The following LRMDA variants were observed in gnomAD, a reference collection of about 807,000 sequenced individuals.
LRMDA encodes leucine rich melanocyte differentiation associated, also known as leucine-rich melanocyte differentiation-associated protein.
In LRMDA, 18 loss-of-function variants were observed where a neutral mutation model predicts 29.8. That is an observed-to-expected ratio of 0.60 (90% confidence interval 0.42 to 0.90). The LOEUF (loss-of-function observed/expected upper bound fraction) is 0.90. Ranked by LOEUF, LRMDA falls within the 40% of genes least tolerant of loss-of-function variation. LRMDA has a pLI of 0.00. For synonymous variants in LRMDA, 125 were observed against 109.4 expected (o/e 1.14, Z -0.89); for missense variants, 273 against 273.9 (o/e 1.00, Z 0.02).
At position 76,061,163 on chromosome 10, in the gene LRMDA, C is replaced by T. The variant is rs533781104; in HGVS notation, c.516+2380C>T. ...CAGATCAGATAAAGAAAATGTGATA[C>T]GTATACACTATGGAATACTATGCAG... On this transcript the variant is annotated intron_variant, in intron 5 of 6. Transcript: ENST00000611255. 1.4e-4 allele frequency among the ~76,000 whole-genome samples: 22 copies of T among 152,220 alleles called. No homozygotes were observed. In the South Asian group the frequency reaches 2.9e-3, roughly 20 times the overall value.
intron 2 of LRMDA, among the ~76,000 whole-genome samples, chr10:75,599,900 T>C (rs1589198473): frequency 6.6e-6 from 1 of 152,172 alleles, no homozygotes; most frequent in Admixed American, 6.5e-5. Flanking sequence ...AAATGAGTGG[T>C]GACAAGAGTC....
intron 5 of LRMDA, among the ~76,000 whole-genome samples, chr10:76,124,150 C>T (rs1469450002): frequency 1.3e-5 from 2 of 152,214 alleles, no homozygotes; most frequent in South Asian, 2.1e-4. Flanking sequence ...CTTCTGCCAT[C>T]GGTATCAAGT....
At chr10:75,791,230 T>G (rs1843559714) in intron 2 of LRMDA, among the ~76,000 whole-genome samples, 2 of 151,942 alleles carry the variant, frequency 1.3e-5, no homozygotes, top group South Asian at 4.2e-4. Flanking sequence ...CTTAAAAGAG[T>G]TGGGATGGGG....
At chr10:75,656,045 AT>A (rs1564532146) in intron 2 of LRMDA, among the ~76,000 whole-genome samples, 1 of 152,066 alleles carries the variant, frequency 6.6e-6, no homozygotes, top group African/African-American at 2.4e-5. Context: ...TTAGCTGTGA[AT>A]TTTTTGAGGA....
intron 2 of LRMDA, among the ~76,000 whole-genome samples, chr10:75,772,857 G>C (rs111881097): frequency 0.015 from 1,726 of 118,560 alleles, 28 homozygotes; most frequent in African/African-American, 0.042. Context: ...TTATTTTTTG[G>C]GGGGGGTGGG....
intron 6 of LRMDA, among the ~76,000 whole-genome samples, chr10:76,543,009 T>C (rs1843375790): frequency 6.6e-6 from 1 of 152,148 alleles, no homozygotes; most frequent in South Asian, 2.1e-4. Flanking sequence ...GGGAAGATTA[T>C]CTTAGGGTGC....
intron 2 of LRMDA, among the ~76,000 whole-genome samples, chr10:75,511,931 G>A (rs1845230374): frequency 6.6e-6 from 1 of 152,178 alleles, no homozygotes; most frequent in Non-Finnish European, 1.5e-5. Context: ...TCTTTCATCT[G>A]CTCCAGCAAG....
At chr10:76,310,426 T>C (rs1840615177) in intron 5 of LRMDA, among the ~76,000 whole-genome samples, 2 of 151,744 alleles carry the variant, frequency 1.3e-5, no homozygotes, top group Non-Finnish European at 2.9e-5. Context: ...AAAAAAAGTA[T>C]GGGAATTTCA....
rs1482718935 is a variant in LRMDA, at chr10:75,484,090, G to GGA, written c.131+45597_131+45598dup. On this transcript the variant is annotated intron_variant, in intron 2 of 6. Transcript: ENST00000611255. ...CCCACTTCAGCCTCCCAAGTAGCTGGGACTACAGGCATGGGCCACCACACC... is the reference window on the plus strand; with the variant it reads ...CCCACTTCAGCCTCCCAAGTAGCTGGGAGACTACAGGCATGGGCCACCACACC... 6.6e-5 allele frequency among the ~76,000 whole-genome samples: 10 copies of GGA among 151,814 alleles called. No individual in the cohort carries two copies. The East Asian group carries it at 1.2e-3, about 18-fold the overall frequency.
intron 2 of LRMDA, among the ~76,000 whole-genome samples, chr10:75,561,172 T>C (rs1256550331): frequency 6.6e-6 from 1 of 151,656 alleles, no homozygotes; most frequent in African/African-American, 2.4e-5. Context: ...CCTGGACTCT[T>C]TTTGGTTGGT....
At position 76,261,064 on chromosome 10, in the gene LRMDA, C is replaced by CTTTTTT. The variant is rs58554883; in HGVS notation, c.517-63324_517-63319dup. Among the ~76,000 whole-genome samples, 65 of 117,706 alleles carry CTTTTTT rather than the reference C, an allele frequency of 5.5e-4. 2 individuals carry two copies. The highest frequency in any genetic ancestry group is 8.3e-4 in the South Asian group (3 of 3,626). The allele number at this position is 117,706 out of a possible 152,430, so 77.2% of individuals were successfully genotyped here. A position where few individuals can be genotyped will look rare whatever the true frequency, so the allele number is the denominator to read the frequency against. Reference sequence around the variant, plus strand: ...GATTGACTTGCGTTTCTTTTCTTTTCTTTTTTTTTTTTTTTTTTGAGACGG... The same window carrying CTTTTTT: ...GATTGACTTGCGTTTCTTTTCTTTTCTTTTTTTTTTTTTTTTTTTTTTTTGAGACGG... On this transcript the variant is annotated intron_variant, in intron 5 of 6. Coordinates refer to ENST00000611255, the MANE Select transcript of LRMDA (RefSeq NM_001305581.2).
intron 2 of LRMDA, among the ~76,000 whole-genome samples, chr10:75,702,175 A>G (rs1435496661): frequency 4.6e-5 from 7 of 152,170 alleles, no homozygotes; most frequent in Non-Finnish European, 1.0e-4. Flanking sequence ...ATGTGCTCCC[A>G]GAGCATCTTG....
At chr10:75,482,250 T>C (rs566370766) in intron 2 of LRMDA, among the ~76,000 whole-genome samples, 1 of 152,192 alleles carries the variant, frequency 6.6e-6, no homozygotes, top group Admixed American at 6.5e-5. Context: ...TTTGGCCTTC[T>C]TGAGCTTCTG....
chr10:75,655,944 C>T (rs979391128), intron 2 of LRMDA, among the ~76,000 whole-genome samples: 7 of 152,164 alleles, frequency 4.6e-5, no homozygotes, highest in South Asian at 2.1e-4. Flanking sequence ...TGGTCATCTG[C>T]TTCTCTCCCT....
intron 6 of LRMDA, among the ~76,000 whole-genome samples, chr10:76,352,729 A>G (rs1359855424): frequency 6.6e-6 from 1 of 152,114 alleles, no homozygotes; most frequent in Admixed American, 6.5e-5. Context: ...TATTATTATT[A>G]TCAATAGTGT....
At chr10:76,288,766 G>C (rs1028586236) in intron 5 of LRMDA, among the ~76,000 whole-genome samples, 17 of 152,114 alleles carry the variant, frequency 1.1e-4, no homozygotes, top group African/African-American at 3.6e-4. Context: ...TACAATATAA[G>C]GAGAAACTGT....
chr10:75,924,475 ATTGGTTGGAAAG>A (rs1846084288), intron 2 of LRMDA, among the ~76,000 whole-genome samples: 2 of 152,290 alleles, frequency 1.3e-5, no homozygotes, highest in South Asian at 2.1e-4. Flanking sequence ...AAATAATTGC[ATTGGTTGGAAAG>A]TCGGGATGCG....
At chr10:76,273,248 G>A (rs765541843) in intron 5 of LRMDA, among the ~76,000 whole-genome samples, 1 of 152,020 alleles carries the variant, frequency 6.6e-6, no homozygotes, top group African/African-American at 2.4e-5. Context: ...GTAGTGTTTT[G>A]GGCTAGTATT....
chr10:75,456,166 C>T (rs1844514404), intron 2 of LRMDA, among the ~76,000 whole-genome samples: 1 of 152,200 alleles, frequency 6.6e-6, no homozygotes, highest in African/African-American at 2.4e-5. Flanking sequence ...GGGAGACAAG[C>T]CACCTCCAGC....
Sources: allele counts gnomAD v4.1 joint callset (sites outside exome capture counted in the v4.1 genomes callset), GRCh38; gene constraint gnomAD v4.1.1; transcripts MANE v1.5; gene names NCBI Gene and HGNC (gene_info 2026-07-23, HGNC 2026-07-21).